Variants in SORCS2 observed in about 807,000 individuals in gnomAD.
The protein encoded by SORCS2 is sortilin related VPS10 domain containing receptor 2.
SORCS2 carries 100 observed loss-of-function variants against 141.6 expected under a neutral mutation model. The ratio of observed to expected loss-of-function variants is 0.71; its 90% CI spans 0.60 to 0.83. The LOEUF is 0.83. SORCS2 is among the 40% of genes least tolerant of loss of function. The pLI is 0.00. For synonymous variants in SORCS2, 789 were observed against 676.9 expected, an observed-to-expected ratio of 1.17 and a Z score of -2.57; for missense variants, 1,646 against 1,560.2, an observed-to-expected ratio of 1.05 and a Z score of -0.93.
At chr4:7,526,979 A>C (rs1327545616) in intron 2 of SORCS2, among the ~76,000 whole-genome samples, 2 of 152,354 alleles carry the variant, frequency 1.3e-5, no homozygotes, top group African/African-American at 4.8e-5. Context: ...AAATCAGTGT[A>C]TATTTCATAG....
chr4:7,654,280 G>T, intron 5 of SORCS2, 73 bp downstream of exon 5: 1 of 1,481,622 alleles, frequency 6.7e-7, no homozygotes, highest in Non-Finnish European at 9.2e-7. Flanking sequence ...AAACCCTTGG[G>T]AGCCCATCCC....
chr4:7,700,751 G>A (rs1725014988), intron 12 of SORCS2, among the ~76,000 whole-genome samples: 1 of 152,198 alleles, frequency 6.6e-6, no homozygotes, highest in Non-Finnish European at 1.5e-5. Flanking sequence ...GGAGCACAGA[G>A]CATTGGGGGA....
chr4:7,317,353 G>A (rs1167489645), intron 1 of SORCS2, among the ~76,000 whole-genome samples: 1 of 152,174 alleles, frequency 6.6e-6, no homozygotes, highest in Non-Finnish European at 1.5e-5. Flanking sequence ...GTGTAAGGCT[G>A]GATGAGCCCT....
At chr4:7,194,463 C>T (rs1002243981) in intron 1 of SORCS2, among the ~76,000 whole-genome samples, 5 of 152,140 alleles carry the variant, frequency 3.3e-5, no homozygotes, top group South Asian at 2.1e-4. Context: ...TGAATTTAGT[C>T]GGCCTAGAGC....
chr4:7,272,735 G>T (rs76170841), intron 1 of SORCS2, among the ~76,000 whole-genome samples: 3,597 of 152,322 alleles, frequency 0.024, 148 homozygotes, highest in African/African-American at 0.083. Context: ...TACCATCCGC[G>T]GCATTGCAGC....
intron 3 of SORCS2, among the ~76,000 whole-genome samples, chr4:7,547,385 C>T (rs898788022): frequency 2.0e-5 from 3 of 152,220 alleles, no homozygotes; most frequent in African/African-American, 4.8e-5. Flanking sequence ...CATCCCCGGT[C>T]GCATACTTGG....
chr4:7,619,983 G>A (rs1329176391), intron 3 of SORCS2, among the ~76,000 whole-genome samples: 1 of 152,064 alleles, frequency 6.6e-6, no homozygotes, highest in African/African-American at 2.4e-5. Context: ...AGAAACAGCT[G>A]CATCTAGTTA....
intron 1 of SORCS2, among the ~76,000 whole-genome samples, chr4:7,377,532 T>G (rs939695854): frequency 4.6e-5 from 7 of 152,228 alleles, no homozygotes; most frequent in Non-Finnish European, 1.0e-4. Flanking sequence ...CCAAATTTGT[T>G]CCATCATTAA....
chr4:7,343,691 G>A (rs149207065), intron 1 of SORCS2, among the ~76,000 whole-genome samples: 358 of 152,322 alleles, frequency 2.4e-3, no homozygotes, highest in African/African-American at 8.2e-3. Context: ...ATAGCCCTTA[G>A]GAGGTCAAGA....
chr4:7,245,021 C>T (rs912342516), intron 1 of SORCS2, among the ~76,000 whole-genome samples: 7 of 152,176 alleles, frequency 4.6e-5, no homozygotes. Flanking sequence ...TGGCCGCCTA[C>T]CTGGGCCCAG....
At chr4:7,357,692 G>T (rs1721338482) in intron 1 of SORCS2, among the ~76,000 whole-genome samples, 1 of 152,184 alleles carries the variant, frequency 6.6e-6, no homozygotes, top group Admixed American at 6.5e-5. Flanking sequence ...TTTCTTGGTT[G>T]AGAGGAGAGA....
In SORCS2 at chr4:7,617,373, C is replaced by T. The variant is rs576381469; in HGVS notation, c.649-20955C>T. Among the ~76,000 whole-genome samples the T allele has an allele frequency of 1.3e-3, 193 of 152,240 alleles. 1 individual carries two copies. Among genetic ancestry groups the T allele is most frequent in the African/African-American group, 4.4e-3 (182 of 41,536 alleles). On this transcript the variant is annotated intron_variant, in intron 3 of 26. Coordinates refer to ENST00000507866, the MANE Select transcript of SORCS2 (RefSeq NM_020777.3). ...ATATATGCACCTACCCATCCACCCA[C>T]CCACCCGTGCATGCATACACCCTTT...
intron 2 of SORCS2, among the ~76,000 whole-genome samples, chr4:7,470,048 T>A (rs1339692029): frequency 6.6e-6 from 1 of 152,186 alleles, no homozygotes; most frequent in Non-Finnish European, 1.5e-5. Flanking sequence ...GGGAAGTTCA[T>A]GGCCAAGGGA....
chr4:7,649,822 C>T (rs1225252110), intron 4 of SORCS2, among the ~76,000 whole-genome samples: 1 of 152,124 alleles, frequency 6.6e-6, no homozygotes, highest in Non-Finnish European at 1.5e-5. Context: ...GTGGTGGCAG[C>T]GGTGTCTGCA....
intron 1 of SORCS2, among the ~76,000 whole-genome samples, chr4:7,218,615 G>A (rs1728515456): frequency 6.6e-6 from 1 of 152,156 alleles, no homozygotes. Context: ...CAGGACATTG[G>A]GGATGTGAGC....
At chr4:7,304,355 C>G (rs1171876068) in intron 1 of SORCS2, among the ~76,000 whole-genome samples, 1 of 152,198 alleles carries the variant, frequency 6.6e-6, no homozygotes, top group Non-Finnish European at 1.5e-5. Flanking sequence ...TCCTTCTGCC[C>G]TTCCCTCCCT....
At position 7,714,200 on chromosome 4, in the gene SORCS2, C is replaced by T. The variant is rs769500314; in HGVS notation, c.1990-40C>T. ...CACAAGGCCTTGTAGAGCAGTTGCC[C>T]TGTCTCAGGCAGCTCCTTACCCTGA... On this transcript the variant is annotated intron_variant, in intron 15 of 26. Coordinates refer to ENST00000507866, the MANE Select transcript of SORCS2 (RefSeq NM_020777.3). The T allele has an allele frequency of 8.2e-6, 13 of 1,590,988 alleles. No homozygotes were observed. The African/African-American group carries it at 1.6e-4, about 20-fold the overall frequency.
intron 1 of SORCS2, among the ~76,000 whole-genome samples, chr4:7,215,162 G>A (rs1216217986): frequency 6.6e-6 from 1 of 152,186 alleles, no homozygotes; most frequent in African/African-American, 2.4e-5. Context: ...GGCTGTGTGC[G>A]GCGCTTGCGG....
intron 12 of SORCS2, among the ~76,000 whole-genome samples, chr4:7,698,645 CT>C (rs1470082015): frequency 3.3e-5 from 5 of 152,190 alleles, no homozygotes; most frequent in African/African-American, 1.2e-4. Context: ...GAGGAATTTG[CT>C]TAGATTTCAA....
Sources: allele counts gnomAD v4.1 joint callset (sites outside exome capture counted in the v4.1 genomes callset), GRCh38; gene constraint gnomAD v4.1.1; transcripts MANE v1.5; gene names NCBI Gene and HGNC (gene_info 2026-07-23, HGNC 2026-07-21).